Variants in DBF4 observed in about 807,000 individuals in gnomAD.
The protein encoded by DBF4 is protein DBF4 homolog A.
In DBF4, 25 loss-of-function variants were observed where a neutral mutation model predicts 76.6. The ratio of observed to expected loss-of-function variants is 0.33; its 90% confidence interval spans 0.24 to 0.46. The LOEUF is 0.46. Among genes scored for constraint, DBF4 ranks in the 20% least tolerant of loss-of-function variants. The probability of loss-of-function intolerance (pLI) is 1.00; values close to 1 mark genes in which losing one functional copy is unlikely to be tolerated. For synonymous variants in DBF4, 213 were observed against 258.0 expected (o/e 0.83, Z 1.67); for missense variants, 638 against 760.8 (o/e 0.84, Z 1.90).
At chr7:87,897,361 G>A (rs1427539635) in intron 8 of DBF4, 22 bp downstream of exon 8, 2 of 1,608,742 alleles carry the variant, frequency 1.2e-6, no homozygotes, top group East Asian at 2.2e-5. Flanking sequence ...AGTCCAATCT[G>A]TATGATTTAA....
At chr7:87,893,236 CTTTTT>C (rs869114624) in intron 6 of DBF4, among the ~76,000 whole-genome samples, 1 of 126,760 alleles carries the variant, frequency 7.9e-6, no homozygotes, top group Non-Finnish European at 1.7e-5. Context: ...ATTTAATATT[CTTTTT>C]TTTTTTTTTT....
At chr7:87,902,221 G>A (rs572569323) in intron 10 of DBF4, among the ~76,000 whole-genome samples, 2 of 152,324 alleles carry the variant, frequency 1.3e-5, no homozygotes, top group East Asian at 3.9e-4. Flanking sequence ...AAGAAAATTA[G>A]TGAAAGCAGA....
chr7:87,878,147 G>A lies in DBF4; in HGVS notation c.141G>A (p.Trp47Ter). 1.2e-6 allele frequency: 2 copies of A among 1,613,104 alleles called. No individual in the cohort carries two copies. The highest frequency in any genetic ancestry group is 1.7e-6 in the Non-Finnish European group (2 of 1,179,636). The change falls in exon 2 of 12, where the codon TGG (tryptophan) becomes TGA (stop). Residue 47 changes from tryptophan (W) to a stop codon, truncating the protein, a stop_gained. Transcript: ENST00000265728. LOFTEE classifies it high-confidence loss of function. The stretch of plus-strand genomic sequence containing the variant: ...AAAAATCCAAATGTAAGCCACTTTG[G>A]GGAAAAGTATTTTACCTTGACTTAC... ...RPEKSKCKPL[W>*]GKVFYLDLPS...
In DBF4 at chr7:87,907,420, G is replaced by A; in HGVS notation, c.1282G>A (p.Glu428Lys). ...TTCAAATGAATTGAGAGGGCTTAAT[G>A]AGAAAATGAGTAATAAATGTTCCAT... ...HPSNELRGLN[E>K]KMSNKCSMLS... The change falls in exon 12 of 12, where the codon GAG (glutamate) becomes AAG (lysine). Residue 428 changes from glutamate to lysine, a missense_variant. Coordinates refer to ENST00000265728, the MANE Select transcript of DBF4 (RefSeq NM_006716.4). 1.9e-6 allele frequency: 3 copies of A among 1,613,990 alleles called. No homozygotes were observed. Among genetic ancestry groups the A allele is most frequent in the Non-Finnish European group, 1.7e-6 (2 of 1,179,946 alleles).
At chr7:87,907,107 T>C in intron 11 of DBF4, 81 bp from the exon 12 acceptor site, 4 of 1,268,932 alleles carry the variant, frequency 3.2e-6, no homozygotes, top group Non-Finnish European at 4.2e-6. Flanking sequence ...ATAATGTTTT[T>C]ACTAATTTAA....
intron 8 of DBF4, among the ~76,000 whole-genome samples, chr7:87,897,849 A>G (rs1249045708): frequency 6.6e-6 from 1 of 152,126 alleles, no homozygotes; most frequent in Admixed American, 6.5e-5. Flanking sequence ...ATCTCGGCTC[A>G]CTGCAACGTC....
At chr7:87,895,692 C>G (rs961452669) in intron 6 of DBF4, among the ~76,000 whole-genome samples, 2 of 152,198 alleles carry the variant, frequency 1.3e-5, no homozygotes, top group Admixed American at 1.3e-4. Flanking sequence ...CTTTCTCTAA[C>G]TTGCTCTTTT....
intron 6 of DBF4, among the ~76,000 whole-genome samples, chr7:87,895,191 T>G (rs1158940100): frequency 1.3e-5 from 2 of 152,112 alleles, no homozygotes; most frequent in East Asian, 2.0e-4. Context: ...CTCACTCAGA[T>G]AGTATATTTT....
At chr7:87,896,202 AAT>A (rs1349216004) in intron 6 of DBF4, 5 of 328,890 alleles carry the variant, frequency 1.5e-5, no homozygotes, top group African/African-American at 1.1e-4. Context: ...GCATAAAAAT[AAT>A]ATGACTTTTA....
Position 87,877,933 on chromosome 7 carries a change from G to A in DBF4, c.47-120G>A, listed in dbSNP as rs796425785. ...GTACTACAAAGAAATACATTTCAAT[G>A]CTAATAACTTAAACTGGTAGGGTTG... On this transcript the variant is annotated intron_variant, in intron 1 of 11. Coordinates refer to ENST00000265728, the MANE Select transcript of DBF4 (RefSeq NM_006716.4). 21 of 827,890 alleles carry A rather than the reference G, an allele frequency of 2.5e-5. No homozygotes were observed. The African/African-American group carries it at 3.5e-4, about 14-fold the overall frequency. The allele number at this position is 827,890 out of a possible 1,614,324, so 51.3% of individuals were successfully genotyped here. A position where few individuals can be genotyped will look rare whatever the true frequency, so the allele number is the denominator to read the frequency against.
rs951780414 is a variant in DBF4 at position 87,876,650 on chromosome 7, A to C, written c.-83A>C. 4.6e-6 allele frequency: 7 copies of C among 1,521,304 alleles called. No homozygotes were observed. The highest frequency in any genetic ancestry group is 5.4e-6 in the Non-Finnish European group (6 of 1,109,008). The allele number at this position is 1,521,304 out of a possible 1,614,324, so 94.2% of individuals were successfully genotyped here. On this transcript the variant is annotated 5_prime_UTR_variant, in exon 1 of 12. Transcript: ENST00000265728. Reference sequence around the variant, plus strand: ...AAGGAGAGAGGCGGCCGTCCTGTCAACAGGCCGGGGGAAGCCGTGCTTTCG... The same window carrying C: ...AAGGAGAGAGGCGGCCGTCCTGTCACCAGGCCGGGGGAAGCCGTGCTTTCG...
intron 10 of DBF4, 34 bp downstream of exon 10, chr7:87,900,912 C>A (rs142436773): frequency 2.0e-6 from 3 of 1,528,526 alleles, no homozygotes; most frequent in African/African-American, 2.8e-5. Flanking sequence ...GGGCTTGTTT[C>A]GAAAACTGTA....
intron 11 of DBF4, among the ~76,000 whole-genome samples, 176 bp from the exon 12 acceptor site, chr7:87,907,012 A>G (rs1839927826): frequency 1.3e-5 from 2 of 152,188 alleles, no homozygotes. Context: ...TTACTTTAAA[A>G]ACAGCTCAAG....
intron 6 of DBF4, among the ~76,000 whole-genome samples, chr7:87,889,524 C>T (rs539437806): frequency 1.3e-5 from 2 of 152,250 alleles, no homozygotes; most frequent in Non-Finnish European, 2.9e-5. Context: ...AAGCTATCCA[C>T]CCGCCTCAGC....
intron 3 of DBF4, among the ~76,000 whole-genome samples, chr7:87,886,063 C>G (rs892636430): frequency 3.9e-5 from 6 of 151,948 alleles, no homozygotes; most frequent in African/African-American, 1.5e-4. Flanking sequence ...CAGAAAGGAG[C>G]TATCACTTGA....
At chr7:87,881,323 T>C (rs912559798) in intron 2 of DBF4, among the ~76,000 whole-genome samples, 2 of 152,070 alleles carry the variant, frequency 1.3e-5, no homozygotes, top group African/African-American at 2.4e-5. Flanking sequence ...CAGGAGAATC[T>C]CTTGAACCTG....
intron 3 of DBF4, 39 bp downstream of exon 3, chr7:87,885,197 A>G (rs187730936): frequency 6.8e-5 from 103 of 1,510,912 alleles, no homozygotes; most frequent in Middle Eastern, 1.8e-4. Context: ...CAGAAGGGCT[A>G]TATCCTGAAG....
At chr7:87,888,406 C>T (rs1285996729) in intron 6 of DBF4, 2 of 796,740 alleles carry the variant, frequency 2.5e-6, no homozygotes, top group Non-Finnish European at 3.0e-6. Context: ...TAAATATGTA[C>T]TATCCTTTTC....
intron 2 of DBF4, 38 bp downstream of exon 2, chr7:87,878,263 T>C: frequency 3.3e-6 from 5 of 1,494,798 alleles, no homozygotes; most frequent in Non-Finnish European, 4.5e-6. Flanking sequence ...AAGGAAAAAT[T>C]TGTAACTAGT....
Sources: allele counts gnomAD v4.1 joint callset (sites outside exome capture counted in the v4.1 genomes callset), GRCh38; gene constraint gnomAD v4.1.1; transcripts MANE v1.5; gene names NCBI Gene and HGNC (gene_info 2026-07-23, HGNC 2026-07-21).